The following MRPS31 variants were observed in gnomAD, a reference collection of about 807,000 sequenced individuals.
MRPS31 encodes small ribosomal subunit protein mS31.
Under a neutral mutation model 43.1 loss-of-function variants are expected in MRPS31, and 32 were observed. The observed-to-expected ratio is 0.74, with a 90% CI of 0.56 to 1.00. The LOEUF is 1.00. MRPS31 is among the 50% of genes least tolerant of loss of function. The pLI is 0.00. For synonymous variants in MRPS31, 165 were observed against 161.6 expected, an observed-to-expected ratio of 1.02 and a Z score of -0.16; for missense variants, 437 against 466.7, an observed-to-expected ratio of 0.94 and a Z score of 0.59.
intron 5 of MRPS31, 133 bp from the exon 6 acceptor site, chr13:40,749,414 G>C (rs544465183): frequency 3.5e-6 from 2 of 568,824 alleles, no homozygotes; most frequent in African/African-American, 3.9e-5. Flanking sequence ...ATAATAAAAA[G>C]TTACTGAGAG....
intron 6 of MRPS31, among the ~76,000 whole-genome samples, chr13:40,733,166 G>C (rs1879758747): frequency 6.6e-6 from 1 of 151,928 alleles, no homozygotes; most frequent in Non-Finnish European, 1.5e-5. Context: ...ACCATGCCCA[G>C]CTAATTTTTG....
At chr13:40,759,458 A>C (rs1345085679) in intron 2 of MRPS31, among the ~76,000 whole-genome samples, 1 of 152,000 alleles carries the variant, frequency 6.6e-6, no homozygotes, top group African/African-American at 2.4e-5. Context: ...AACCAAAACA[A>C]ACAAAAAAAA....
Position 40,766,896 on chromosome 13 carries a change from T to G in MRPS31, c.290A>C (p.Lys97Thr). The G allele has an allele frequency of 6.2e-7, 1 of 1,614,164 alleles. No individual in the cohort carries two copies. Among genetic ancestry groups the G allele is most frequent in the South Asian group, 1.1e-5 (1 of 91,088 alleles). ...SQDSEKENTK[K>T]DLLGIIKGMK... ...GCCCTTAATAATGCCTAACAAGTCT[T>G]TTTTCGTATTTTCCTTTTCACTGTC... is the stretch of plus-strand genomic sequence containing the variant. The change falls in exon 2 of 7, where the codon AAA becomes ACA. Residue 97 changes from lysine to threonine, a missense_variant. Coordinates refer to ENST00000323563, the MANE Select transcript of MRPS31 (RefSeq NM_005830.4).
At chr13:40,765,571 A>C (rs1880820860) in intron 2 of MRPS31, among the ~76,000 whole-genome samples, 2 of 151,916 alleles carry the variant, frequency 1.3e-5, no homozygotes, top group African/African-American at 2.4e-5. Flanking sequence ...TTCTAAAAGC[A>C]GGAGGAGGAG....
Position 40,731,601 on chromosome 13 carries a change from AAAAAG to A in MRPS31, c.959-2005_959-2001del, listed in dbSNP as rs531615128. 3.1e-3 allele frequency among the ~76,000 whole-genome samples: 476 copies of A among 152,120 alleles called. 5 individuals carry two copies. Among genetic ancestry groups the A allele is most frequent in the African/African-American group, 0.011 (451 of 41,504 alleles). On this transcript the variant is annotated intron_variant, in intron 6 of 6. Coordinates refer to ENST00000323563, the MANE Select transcript of MRPS31 (RefSeq NM_005830.4). ...TGTCCAAAAAAAAAAAAGAAAAAGA[AAAAAG>A]AAAAGACAGAGGAAAGAGAGATAGA...
rs1257610719 is a variant in MRPS31, at chr13:40,758,966, G to A, written c.581C>T (p.Ala194Val). The stretch of plus-strand genomic sequence containing the variant: ...CACTCACCTAATTTTAGGTCGCTTT[G>A]CATCTCTCTGTGCCCTTGACTCTTC... ...HEEESRAQRD[A>V]KRPKISFSNI... is the part of the protein sequence containing the mutation. The change falls in exon 3 of 7, where the codon GCA (alanine) becomes GTA (valine). Residue 194 changes from alanine (A) to valine (V), a missense_variant. Coordinates refer to ENST00000323563, the MANE Select transcript of MRPS31 (RefSeq NM_005830.4). The A allele has an allele frequency of 1.3e-6, 2 of 1,588,638 alleles. No homozygotes were observed. Among genetic ancestry groups the A allele is most frequent in the Admixed American group, 1.8e-5 (1 of 55,520 alleles).
intron 6 of MRPS31, among the ~76,000 whole-genome samples, chr13:40,743,395 G>T (rs1188731310): frequency 6.6e-6 from 1 of 150,436 alleles, no homozygotes; most frequent in African/African-American, 2.4e-5. Context: ...ACAGCAAAAA[G>T]AAATTTCAAT....
chr13:40,769,433 C>T (rs1880947628), intron 1 of MRPS31, among the ~76,000 whole-genome samples: 1 of 129,790 alleles, frequency 7.7e-6, no homozygotes. Flanking sequence ...ATCAAGTTCT[C>T]AAAGCCAGAA....
At chr13:40,746,591 A>G (rs566397662) in intron 6 of MRPS31, among the ~76,000 whole-genome samples, 2 of 152,316 alleles carry the variant, frequency 1.3e-5, no homozygotes, top group South Asian at 4.1e-4. Context: ...AATTTAAGAT[A>G]AATTCCGTTG....
chr13:40,738,110 C>G (rs1402014639), intron 6 of MRPS31, among the ~76,000 whole-genome samples: 1 of 152,058 alleles, frequency 6.6e-6, no homozygotes, highest in African/African-American at 2.4e-5. Flanking sequence ...GGGGATATCA[C>G]CACCAATCCC....
At chr13:40,738,334 T>A (rs1436380290) in intron 6 of MRPS31, among the ~76,000 whole-genome samples, 4 of 152,088 alleles carry the variant, frequency 2.6e-5, no homozygotes, top group Non-Finnish European at 1.5e-5. Flanking sequence ...ACCAGATGGA[T>A]TCACAGCTGA....
In MRPS31 at chr13:40,749,135, T is replaced by C; in HGVS notation, c.958+3A>G. ...TTTATAATCCCCTGAAATTAACACTTACCTGCTTCATTGTTAATTGGGAAC... is the reference window on the plus strand; with the variant it reads ...TTTATAATCCCCTGAAATTAACACTCACCTGCTTCATTGTTAATTGGGAAC... On this transcript the variant is annotated splice_donor_region_variant and intron_variant, in intron 6 of 6. Transcript: ENST00000323563. 1.3e-6 allele frequency: 2 copies of C among 1,591,398 alleles called. No individual in the cohort carries two copies. The highest frequency in any genetic ancestry group is 1.4e-5 in the African/African-American group (1 of 73,562).
At chr13:40,756,625 A>C (rs532386054) in intron 4 of MRPS31, among the ~76,000 whole-genome samples, 2 of 152,226 alleles carry the variant, frequency 1.3e-5, no homozygotes, top group African/African-American at 4.8e-5. Flanking sequence ...ACCCCTATTC[A>C]TCGTGGGTAG....
At chr13:40,732,434 G>T (rs975482418) in intron 6 of MRPS31, among the ~76,000 whole-genome samples, 57 of 152,172 alleles carry the variant, frequency 3.7e-4, no homozygotes, top group African/African-American at 1.3e-3. Flanking sequence ...CTTGGTAAAA[G>T]AACTAAACAT....
chr13:40,757,852 TC>T (rs1880577235), intron 3 of MRPS31, among the ~76,000 whole-genome samples: 1 of 148,540 alleles, frequency 6.7e-6, no homozygotes, highest in South Asian at 2.2e-4. Context: ...ACTTAAGTGA[TC>T]CTCCCAAGGC....
At chr13:40,757,287 T>C (rs759863439) in intron 3 of MRPS31, among the ~76,000 whole-genome samples, 5 of 152,172 alleles carry the variant, frequency 3.3e-5, no homozygotes, top group East Asian at 3.8e-4. Flanking sequence ...GAGAAAATGA[T>C]AGGAAAGTAA....
At chr13:40,738,400 T>G (rs982585698) in intron 6 of MRPS31, among the ~76,000 whole-genome samples, 19 of 152,066 alleles carry the variant, frequency 1.2e-4, no homozygotes, top group Admixed American at 9.2e-4. Context: ...ATTATTCCAA[T>G]CAATAGAAAA....
intron 1 of MRPS31, among the ~76,000 whole-genome samples, chr13:40,768,812 G>A (rs1226654054): frequency 6.6e-6 from 1 of 152,314 alleles, no homozygotes; most frequent in African/African-American, 2.4e-5. Flanking sequence ...TGACGCTAAC[G>A]CTGCTGGTCA....
At chr13:40,757,799 G>T (rs1202122604) in intron 3 of MRPS31, among the ~76,000 whole-genome samples, 1 of 148,268 alleles carries the variant, frequency 6.7e-6, no homozygotes, top group Non-Finnish European at 1.5e-5. Flanking sequence ...CCAGGCTGGA[G>T]TGCTGTTGTG....
Sources: allele counts gnomAD v4.1 joint callset (sites outside exome capture counted in the v4.1 genomes callset), GRCh38; gene constraint gnomAD v4.1.1; transcripts MANE v1.5; gene names NCBI Gene and HGNC (gene_info 2026-07-23, HGNC 2026-07-21).